The following LRRTM4 variants were observed in gnomAD, a reference collection of about 807,000 sequenced individuals.
LRRTM4 encodes leucine rich repeat transmembrane neuronal 4.
In LRRTM4, 25 loss-of-function variants were observed where a neutral mutation model predicts 47.6. The ratio of observed to expected loss-of-function variants is 0.53; its 90% confidence interval spans 0.38 to 0.73. LRRTM4 has a LOEUF of 0.73. Ranked by LOEUF, LRRTM4 falls within the 30% of genes least tolerant of loss-of-function variation. The pLI is 0.00. For missense variants in LRRTM4, 638 were observed against 713.4 expected (o/e 0.89, Z 1.20); for synonymous variants, 311 against 269.5 (o/e 1.15, Z -1.51).
chr2:76,892,294 T>A (rs72821249), intron 3 of LRRTM4, among the ~76,000 whole-genome samples: 48,775 of 151,264 alleles, frequency 0.32, 8,299 homozygotes, highest in East Asian at 0.58. Context: ...CCATTAGAAA[T>A]TATTTTACAA....
intron 3 of LRRTM4, among the ~76,000 whole-genome samples, chr2:76,877,074 A>C (rs1297504408): frequency 6.6e-6 from 1 of 152,076 alleles, no homozygotes; most frequent in Non-Finnish European, 1.5e-5. Context: ...GTTTTTGATA[A>C]ATATAGATGG....
At chr2:77,245,120 TGA>T (rs1286526639) in intron 3 of LRRTM4, among the ~76,000 whole-genome samples, 1 of 152,122 alleles carries the variant, frequency 6.6e-6, no homozygotes, top group Non-Finnish European at 1.5e-5. Flanking sequence ...CAAATGCTAC[TGA>T]GAGAGACAAA....
At chr2:76,999,454 A>C (rs533464325) in intron 3 of LRRTM4, among the ~76,000 whole-genome samples, 361 of 151,618 alleles carry the variant, frequency 2.4e-3, no homozygotes, top group Non-Finnish European at 3.3e-3. Flanking sequence ...CAAAACAAAA[A>C]AAAAAAGCGT....
intron 3 of LRRTM4, among the ~76,000 whole-genome samples, chr2:77,171,865 C>T (rs1673057942): frequency 6.6e-6 from 1 of 151,884 alleles, no homozygotes; most frequent in South Asian, 2.1e-4. Flanking sequence ...TCTAGATATT[C>T]CAAAGGGGAA....
At chr2:77,069,433 G>T (rs1573526775) in intron 3 of LRRTM4, among the ~76,000 whole-genome samples, 3 of 150,454 alleles carry the variant, frequency 2.0e-5, no homozygotes, top group Admixed American at 2.0e-4. Flanking sequence ...GTGTGTGTGT[G>T]TGTGTTTGTG....
intron 3 of LRRTM4, among the ~76,000 whole-genome samples, chr2:76,806,667 C>A (rs1053486291): frequency 6.6e-6 from 1 of 151,710 alleles, no homozygotes; most frequent in Non-Finnish European, 1.5e-5. Flanking sequence ...AAATATATTA[C>A]AAAGTAATAC....
chr2:77,093,422 T>C lies in LRRTM4; in HGVS notation c.1552-344506A>G, dbSNP rs536430148. Reference sequence around the variant, plus strand: ...TTCATCCAAAACCGTATCCAGGCCATGACCAATCATTCTATACGACAAATG... The same window carrying C: ...TTCATCCAAAACCGTATCCAGGCCACGACCAATCATTCTATACGACAAATG... On this transcript the variant is annotated intron_variant, in intron 3 of 3. Coordinates refer to ENST00000409884, the MANE Select transcript of LRRTM4 (RefSeq NM_001134745.3). Among the ~76,000 whole-genome samples, 5 of 151,426 alleles carry C rather than the reference T, an allele frequency of 3.3e-5. No homozygotes were observed. The South Asian group carries it at 1.0e-3, about 31-fold the overall frequency.
At chr2:77,459,143 G>C (rs1202662151) in intron 3 of LRRTM4, among the ~76,000 whole-genome samples, 2 of 151,890 alleles carry the variant, frequency 1.3e-5, no homozygotes, top group South Asian at 4.1e-4. Context: ...AAAATTAAAA[G>C]CTCCACTCTA....
At chr2:77,227,534 T>G (rs1674848977) in intron 3 of LRRTM4, among the ~76,000 whole-genome samples, 1 of 152,170 alleles carries the variant, frequency 6.6e-6, no homozygotes, top group African/African-American at 2.4e-5. Flanking sequence ...GTTGTATTTT[T>G]TTTCAAAATC....
chr2:76,968,437 A>C (rs1009931390), intron 3 of LRRTM4, among the ~76,000 whole-genome samples: 1 of 140,030 alleles, frequency 7.1e-6, no homozygotes, highest in African/African-American at 2.6e-5. Context: ...TTTCTTTTGC[A>C]TTCCCTTTTC....
intron 3 of LRRTM4, among the ~76,000 whole-genome samples, chr2:77,079,867 A>G (rs1043197973): frequency 6.6e-6 from 1 of 152,006 alleles, no homozygotes; most frequent in Non-Finnish European, 1.5e-5. Flanking sequence ...CAGTTTTAAA[A>G]TGATTTCTAC....
At position 77,218,417 on chromosome 2, in the gene LRRTM4, C is replaced by T. The variant is rs563892056; in HGVS notation, c.1551+299901G>A. 1.4e-4 allele frequency among the ~76,000 whole-genome samples: 22 copies of T among 152,180 alleles called. No individual in the cohort carries two copies. In the South Asian group the frequency reaches 3.1e-3, roughly 22 times the overall value. On this transcript the variant is annotated intron_variant, in intron 3 of 3. Coordinates refer to ENST00000409884, the MANE Select transcript of LRRTM4 (RefSeq NM_001134745.3). ...CAAGTTTTCTGCAAGGAAGAAACAACAAGAGTAGAGAAGAAAAAGTTGGCT... is the reference window on the plus strand; with the variant it reads ...CAAGTTTTCTGCAAGGAAGAAACAATAAGAGTAGAGAAGAAAAAGTTGGCT...
chr2:76,822,909 AG>A (rs1671093505), intron 3 of LRRTM4, among the ~76,000 whole-genome samples: 1 of 151,484 alleles, frequency 6.6e-6, no homozygotes, highest in Non-Finnish European at 1.5e-5. Context: ...CCCATATAAA[AG>A]TAATAAAATT....
At chr2:77,517,640 G>A (rs1402410082) in intron 3 of LRRTM4, 10 of 973,666 alleles carry the variant, frequency 1.0e-5, no homozygotes, top group Non-Finnish European at 1.2e-5. Flanking sequence ...AACAAAAAAA[G>A]AAGGAAGAGA....
intron 3 of LRRTM4, among the ~76,000 whole-genome samples, chr2:77,088,548 G>T (rs981023821): frequency 1.3e-5 from 2 of 151,080 alleles, no homozygotes; most frequent in Non-Finnish European, 2.9e-5. Flanking sequence ...CCTATAAAAC[G>T]GCCCCACCCC....
chr2:77,486,529 A>G (rs1677917174), intron 3 of LRRTM4, among the ~76,000 whole-genome samples: 1 of 152,214 alleles, frequency 6.6e-6, no homozygotes, highest in South Asian at 2.1e-4. Context: ...ATCCAGTATA[A>G]TGGCATATTT....
At chr2:76,878,165 A>T (rs901332842) in intron 3 of LRRTM4, among the ~76,000 whole-genome samples, 1 of 152,138 alleles carries the variant, frequency 6.6e-6, no homozygotes, top group Non-Finnish European at 1.5e-5. Context: ...GTGACCTTAG[A>T]TGTTACTGTC....
intron 3 of LRRTM4, among the ~76,000 whole-genome samples, chr2:77,309,600 C>T (rs1160068290): frequency 6.6e-6 from 1 of 151,908 alleles, no homozygotes; most frequent in Non-Finnish European, 1.5e-5. Flanking sequence ...AAGCTAGCCC[C>T]CTGGGATACT....
chr2:77,057,380 C>G (rs373341133), intron 3 of LRRTM4, among the ~76,000 whole-genome samples: 1 of 152,002 alleles, frequency 6.6e-6, no homozygotes, highest in Non-Finnish European at 1.5e-5. Context: ...GATATGTGTG[C>G]GAAAATGCTT....
Sources: allele counts gnomAD v4.1 joint callset (sites outside exome capture counted in the v4.1 genomes callset), GRCh38; gene constraint gnomAD v4.1.1; transcripts MANE v1.5; gene names NCBI Gene and HGNC (gene_info 2026-07-23, HGNC 2026-07-21).